Variants in NRG3 observed in about 807,000 individuals in gnomAD.
The protein encoded by NRG3 is pro-neuregulin-3, membrane-bound isoform.
In NRG3, 31 loss-of-function variants were observed where a neutral mutation model predicts 66.9. The observed-to-expected ratio is 0.46, with a 90% CI of 0.35 to 0.63. The LOEUF is 0.63. Ranked by LOEUF, NRG3 falls within the 20% of genes least tolerant of loss-of-function variation. The pLI is 0.00. For missense variants in NRG3, 910 were observed against 878.9 expected (o/e 1.04, Z -0.45); for synonymous variants, 393 against 359.4 (o/e 1.09, Z -1.06).
In NRG3 at chr10:81,945,231, A is replaced by G. The variant is rs550004547; in HGVS notation, c.823+69068A>G. ...TTAATTCCTAGAAGGTCTGGATCGT[A>G]TAATCTTTACTTTTCTTCTTCCTTA... On this transcript the variant is annotated intron_variant, in intron 1 of 8. Coordinates refer to ENST00000372141, the MANE Select transcript of NRG3 (RefSeq NM_001010848.4). 3.3e-5 allele frequency among the ~76,000 whole-genome samples: 5 copies of G among 151,962 alleles called. No individual in the cohort carries two copies. The South Asian group carries it at 8.3e-4, about 25-fold the overall frequency.
chr10:82,455,845 C>T (rs1233892236), intron 2 of NRG3, among the ~76,000 whole-genome samples: 1 of 152,074 alleles, frequency 6.6e-6, no homozygotes, highest in Non-Finnish European at 1.5e-5. Flanking sequence ...GTCTCTATCT[C>T]CTGACCTCTT....
intron 1 of NRG3, among the ~76,000 whole-genome samples, chr10:82,052,031 A>AT (rs34567293): frequency 0.61 from 88,871 of 144,700 alleles, 28,135 homozygotes; most frequent in South Asian, 0.81. Context: ...ACCGCATTAG[A>AT]TTTTTTTTTT....
intron 3 of NRG3, among the ~76,000 whole-genome samples, chr10:82,864,259 A>G (rs1054375735): frequency 6.6e-6 from 1 of 152,172 alleles, no homozygotes; most frequent in Non-Finnish European, 1.5e-5. Context: ...TTAATAATTA[A>G]TGACACTGAG....
intron 1 of NRG3, among the ~76,000 whole-genome samples, chr10:82,232,092 A>G (rs933788713): frequency 4.6e-5 from 7 of 152,170 alleles, no homozygotes; most frequent in Non-Finnish European, 7.4e-5. Context: ...GCAAAGAATC[A>G]GATGTTCAGT....
At chr10:82,599,203 T>A (rs1213507418) in intron 2 of NRG3, among the ~76,000 whole-genome samples, 1 of 152,198 alleles carries the variant, frequency 6.6e-6, no homozygotes, top group Non-Finnish European at 1.5e-5. Flanking sequence ...AGGCCAGTTA[T>A]ACATATGGGA....
intron 3 of NRG3, among the ~76,000 whole-genome samples, chr10:82,829,761 A>ATCT (rs1377137089): frequency 2.6e-5 from 4 of 152,180 alleles, no homozygotes; most frequent in African/African-American, 9.7e-5. Context: ...GATTACAACT[A>ATCT]ACAGAGACTA....
Position 82,196,764 on chromosome 10 carries a change from G to A in NRG3, c.824-161975G>A, listed in dbSNP as rs184748552. Among the ~76,000 whole-genome samples, 600 of 152,292 alleles carry A rather than the reference G, an allele frequency of 3.9e-3. 13 individuals are homozygous for A. The highest frequency in any genetic ancestry group is 4.1e-3 in the Admixed American group (62 of 15,302). ...GTGAGTGAGTGAGTGATAAGGAAGA[G>A]GGTGAATGGCAGGTGCAGGAATGCC... On this transcript the variant is annotated intron_variant, in intron 1 of 8. Transcript: ENST00000372141.
intron 1 of NRG3, among the ~76,000 whole-genome samples, chr10:81,942,835 T>C (rs1848514143): frequency 6.6e-6 from 1 of 152,212 alleles, no homozygotes; most frequent in African/African-American, 2.4e-5. Flanking sequence ...AGCTATGATA[T>C]AATTATCAAA....
intron 2 of NRG3, among the ~76,000 whole-genome samples, chr10:82,446,457 A>C (rs2136508520): frequency 6.6e-6 from 1 of 152,338 alleles, no homozygotes; most frequent in Non-Finnish European, 1.5e-5. Flanking sequence ...ACACAGCCAT[A>C]AAAAGGAATG....
At chr10:82,270,981 C>A (rs1180644084) in intron 1 of NRG3, among the ~76,000 whole-genome samples, 1 of 151,986 alleles carries the variant, frequency 6.6e-6, no homozygotes, top group Admixed American at 6.6e-5. Context: ...GAGGGTGAGA[C>A]CTTATCTCAG....
chr10:82,778,542 G>C (rs2059994440), intron 3 of NRG3, among the ~76,000 whole-genome samples: 1 of 152,132 alleles, frequency 6.6e-6, no homozygotes, highest in South Asian at 2.1e-4. Flanking sequence ...AAAAAGCATG[G>C]GGGAACCGCC....
chr10:81,977,856 TCAAAG>T (rs1376674185), intron 1 of NRG3, among the ~76,000 whole-genome samples: 1 of 152,178 alleles, frequency 6.6e-6, no homozygotes, highest in Non-Finnish European at 1.5e-5. Context: ...CTGGAGGACA[TCAAAG>T]CAAATAGTAT....
intron 4 of NRG3, among the ~76,000 whole-genome samples, chr10:82,906,156 CTCT>C (rs1844718554): frequency 6.6e-6 from 1 of 152,164 alleles, no homozygotes; most frequent in African/African-American, 2.4e-5. Flanking sequence ...GTTGGGGCTT[CTCT>C]TCTTAAAACT....
chr10:82,711,762 A>G (rs1482421428), intron 2 of NRG3, among the ~76,000 whole-genome samples: 3 of 152,028 alleles, frequency 2.0e-5, no homozygotes, highest in African/African-American at 7.2e-5. Flanking sequence ...ATTTTACACC[A>G]TCTTTACTGC....
intron 2 of NRG3, among the ~76,000 whole-genome samples, chr10:82,501,870 C>T (rs1344934313): frequency 1.3e-5 from 2 of 152,188 alleles, no homozygotes; most frequent in Non-Finnish European, 2.9e-5. Flanking sequence ...CGCATTGTCT[C>T]TCCCAATCAA....
At chr10:82,250,547 C>CA in intron 1 of NRG3, among the ~76,000 whole-genome samples, 1 of 152,214 alleles carries the variant, frequency 6.6e-6, no homozygotes, top group Middle Eastern at 3.4e-3. Flanking sequence ...AAGATGGAGC[C>CA]ATTGCACTCC....
At chr10:82,442,334 C>T (rs2090474205) in intron 2 of NRG3, among the ~76,000 whole-genome samples, 1 of 152,092 alleles carries the variant, frequency 6.6e-6, no homozygotes, top group Admixed American at 6.5e-5. Flanking sequence ...TGCCAGTAAA[C>T]ATAATTATAA....
chr10:82,965,363 A>G (rs1178909954), intron 6 of NRG3, among the ~76,000 whole-genome samples: 1 of 152,176 alleles, frequency 6.6e-6, no homozygotes, highest in Non-Finnish European at 1.5e-5. Context: ...TTCACTGAAG[A>G]TACAATCTTA....
At chr10:82,494,479 G>A (rs181913111) in intron 2 of NRG3, among the ~76,000 whole-genome samples, 19 of 151,950 alleles carry the variant, frequency 1.3e-4, no homozygotes, top group African/African-American at 2.7e-4. Flanking sequence ...GTGTAAGTGC[G>A]AATGTGTGTG....
Sources: allele counts gnomAD v4.1 joint callset (sites outside exome capture counted in the v4.1 genomes callset), GRCh38; gene constraint gnomAD v4.1.1; transcripts MANE v1.5; gene names NCBI Gene and HGNC (gene_info 2026-07-23, HGNC 2026-07-21).